Variants in PCNX1 observed in about 807,000 individuals in gnomAD.
PCNX1 encodes pecanex 1, also known as pecanex-like protein 1.
In PCNX1, 78 loss-of-function variants were observed where a neutral mutation model predicts 242.2. The observed-to-expected ratio is 0.32, with a 90% CI of 0.27 to 0.39. The LOEUF is 0.39. PCNX1 is among the 10% of genes least tolerant of loss of function. The probability of loss-of-function intolerance (pLI) is 1.00; values close to 1 mark genes in which losing one functional copy is unlikely to be tolerated. For synonymous variants in PCNX1, 1,024 were observed against 1,032.9 expected (o/e 0.99, Z 0.17); for missense variants, 2,581 against 2,856.5 (o/e 0.90, Z 2.20).
intron 22 of PCNX1, 110 bp from the exon 23 acceptor site, chr14:71,050,542 C>T (rs181665815): frequency 4.4e-6 from 4 of 905,486 alleles, no homozygotes; most frequent in Non-Finnish European, 6.4e-6. Context: ...AATGCCATTT[C>T]CCTATTAGGA....
At chr14:71,052,611 A>G (rs2061070163) in intron 24 of PCNX1, among the ~76,000 whole-genome samples, 1 of 152,182 alleles carries the variant, frequency 6.6e-6, no homozygotes, top group Non-Finnish European at 1.5e-5. Context: ...TTTCACATTA[A>G]TAATACTCTG....
chr14:71,110,101 G>GT lies in PCNX1; in HGVS notation c.*166_*167insT. The GT allele has an allele frequency of 1.4e-6, 1 of 707,462 alleles. No individual in the cohort carries two copies. Among genetic ancestry groups the GT allele is most frequent in the Non-Finnish European group, 2.6e-6 (1 of 390,982 alleles). 43.8% of individuals were successfully genotyped at this position (707,462 alleles called of 1,614,324 possible). On this transcript the variant is annotated 3_prime_UTR_variant, in exon 36 of 36. Coordinates refer to ENST00000304743, the MANE Select transcript of PCNX1 (RefSeq NM_014982.3). ...GCACCTCTCCTTTGCCCTTCACCCT[G>GT]ACTCCTGTCACTGTCTCCATCCCCA...
intron 22 of PCNX1, chr14:71,049,257 C>A: frequency 4.3e-6 from 1 of 232,070 alleles, no homozygotes; most frequent in Non-Finnish European, 7.1e-6. Flanking sequence ...TGTTTTAGAA[C>A]TGTTCTAGAT....
intron 30 of PCNX1, chr14:71,093,827 C>T (rs2062200799): frequency 6.6e-6 from 1 of 152,054 alleles, no homozygotes; most frequent in Non-Finnish European, 1.5e-5. Context: ...TATGATGATC[C>T]ACTTCTACTT....
chr14:71,033,889 A>G, intron 17 of PCNX1, 42 bp from the exon 18 acceptor site: 1 of 1,038,412 alleles, frequency 9.6e-7, no homozygotes, highest in Non-Finnish European at 1.5e-6. Context: ...ACTGGTTTTC[A>G]GATTATCTAT....
At position 71,055,534 on chromosome 14, in the gene PCNX1, A is replaced by G. The variant is rs752376092; in HGVS notation, c.4608A>G (p.Arg1536=). The G allele has an allele frequency of 2.5e-6, 4 of 1,607,236 alleles. No individual in the cohort carries two copies. The highest frequency in any genetic ancestry group is 1.1e-5 in the South Asian group (1 of 90,542). The change falls in exon 25 of 36, where the codon AGA becomes AGG. Residue 1536 remains arginine, a synonymous_variant. Transcript: ENST00000304743. The stretch of plus-strand genomic sequence containing the variant: ...AACGAGTGGATCATTCAAATACCAG[A>G]TTGGCTTCCCAGCTTGATAGAAATC... The part of the protein sequence containing the change: ...NTKRVDHSNT[R]LASQLDRNPG...
intron 3 of PCNX1, 111 bp from the exon 4 acceptor site, chr14:70,968,087 C>T (rs763213263): frequency 1.0e-4 from 80 of 786,624 alleles, no homozygotes; most frequent in Non-Finnish European, 1.6e-4. Context: ...TAAAAATGAT[C>T]GATAACATGT....
Position 71,028,680 on chromosome 14 carries a change from CT to C in PCNX1, c.3467-16del. ...TATATTTTTATAAAATGTTTCTTAC[CT>C]TTTCCTTTTCCTGTCTAGCCACTAC... On this transcript the variant is annotated intron_variant, in intron 15 of 35. Transcript: ENST00000304743. 2 of 1,455,370 alleles carry C rather than the reference CT, an allele frequency of 1.4e-6. No homozygotes were observed. The highest frequency in any genetic ancestry group is 1.4e-5 in the African/African-American group (1 of 70,312). 90.2% of individuals were successfully genotyped at this position (1,455,370 alleles called of 1,614,324 possible). A position where few individuals can be genotyped will look rare whatever the true frequency, so the allele number is the denominator to read the frequency against.
chr14:70,911,625 T>G (rs887769203), intron 1 of PCNX1, among the ~76,000 whole-genome samples: 2 of 152,164 alleles, frequency 1.3e-5, no homozygotes, highest in Non-Finnish European at 2.9e-5. Context: ...AGTGTCTTGA[T>G]TTTTGAATCT....
At chr14:71,068,622 GTA>G (rs1265983203) in intron 26 of PCNX1, among the ~76,000 whole-genome samples, 1 of 143,376 alleles carries the variant, frequency 7.0e-6, no homozygotes, top group African/African-American at 2.6e-5. Flanking sequence ...GTGTGTGTGT[GTA>G]TAAAAATATA....
intron 5 of PCNX1, among the ~76,000 whole-genome samples, chr14:70,971,023 T>C (rs940645655): frequency 3.3e-5 from 5 of 151,810 alleles, no homozygotes; most frequent in Non-Finnish European, 7.4e-5. Flanking sequence ...AGAAACTTGC[T>C]CAAAGTCCCA....
chr14:70,945,761 A>G (rs929550412), intron 1 of PCNX1, among the ~76,000 whole-genome samples: 6 of 151,860 alleles, frequency 4.0e-5, no homozygotes, highest in African/African-American at 7.3e-5. Context: ...TCCACCTCCC[A>G]GGTTCAAGTG....
At chr14:71,016,301 T>C (rs1481733483) in intron 11 of PCNX1, among the ~76,000 whole-genome samples, 2 of 152,192 alleles carry the variant, frequency 1.3e-5, no homozygotes, top group Non-Finnish European at 2.9e-5. Context: ...ATCACAGTTA[T>C]AGGTGATTTC....
chr14:70,932,644 CT>C (rs1594931869), intron 1 of PCNX1, among the ~76,000 whole-genome samples: 1 of 151,488 alleles, frequency 6.6e-6, no homozygotes, highest in African/African-American at 2.4e-5. Context: ...TGGAATTTCG[CT>C]CTTGTTGCCC....
In PCNX1 at chr14:71,026,769, T is replaced by G; in HGVS notation, c.3356-3T>G. On this transcript the variant is annotated splice_region_variant and splice_polypyrimidine_tract_variant and intron_variant, in intron 14 of 35. Coordinates refer to ENST00000304743, the MANE Select transcript of PCNX1 (RefSeq NM_014982.3). Reference sequence around the variant, plus strand: ...TAAAATATACTTTTCTTTCTTTTTATAGTGTTTACACTCTGTTTCCCAATA... The same window carrying G: ...TAAAATATACTTTTCTTTCTTTTTAGAGTGTTTACACTCTGTTTCCCAATA... 7.8e-7 allele frequency: 1 copy of G among 1,279,090 alleles called. No individual in the cohort carries two copies. Among genetic ancestry groups the G allele is most frequent in the Non-Finnish European group, 1.1e-6 (1 of 885,694 alleles). 79.2% of individuals were successfully genotyped at this position (1,279,090 alleles called of 1,614,324 possible). A position where few individuals can be genotyped will look rare whatever the true frequency, so the allele number is the denominator to read the frequency against.
In PCNX1 at chr14:71,013,022, C is replaced by G; in HGVS notation, c.2816C>G (p.Thr939Ser). Residue 939 changes from threonine (T) to serine (S), a missense_variant, in exon 11 of 36, where the codon ACC becomes AGC. Around this residue, in one of 9 missense-constraint regions of PCNX1, gnomAD observed 1,204 missense variants for 1,216.7 expected, o/e 0.99. Transcript: ENST00000304743. ...LPQIRLNRLLTIDTDLLEQQD... is the reference protein window; with the variant it reads ...LPQIRLNRLLSIDTDLLEQQD... ...CAGATTCGATTGAATAGACTATTGA[C>G]CATTGATACAGATTTGTTGGAGCAA... The G allele has an allele frequency of 6.2e-7, 1 of 1,613,968 alleles. No homozygotes were observed. Among genetic ancestry groups the G allele is most frequent in the Non-Finnish European group, 8.5e-7 (1 of 1,179,902 alleles).
At chr14:71,049,161 A>G (rs532642288) in intron 22 of PCNX1, 162 of 787,396 alleles carry the variant, frequency 2.1e-4, no homozygotes, top group Non-Finnish European at 2.4e-4. Context: ...TAATCTTTGA[A>G]ATGTAGTTGC....
chr14:71,040,090 G>T (rs1051795550), intron 19 of PCNX1, among the ~76,000 whole-genome samples: 1 of 152,112 alleles, frequency 6.6e-6, no homozygotes, highest in Non-Finnish European at 1.5e-5. Context: ...AGGATTACAG[G>T]TGTGAGCCAC....
At chr14:71,102,702 A>G (rs2062495916) in intron 31 of PCNX1, among the ~76,000 whole-genome samples, 1 of 152,036 alleles carries the variant, frequency 6.6e-6, no homozygotes, top group Non-Finnish European at 1.5e-5. Context: ...TGTCCTCTGA[A>G]AGTTTCTCAT....
Sources: gnomAD v4.1 joint callset for allele counts (sites outside exome capture counted in the v4.1 genomes callset) on GRCh38, gnomAD v4.1.1 for gene constraint, gnomAD v4.1.1 regional missense constraint, MANE v1.5 for transcripts, NCBI Gene and HGNC (gene_info 2026-07-23, HGNC 2026-07-21) for gene names.